The following TAFA1 variants were observed in gnomAD, a reference collection of about 807,000 sequenced individuals.
TAFA1 encodes the protein TAFA chemokine like family member 1, also known as chemokine-like protein TAFA-1.
TAFA1 carries 4 observed loss-of-function variants against 18.5 expected under a neutral mutation model. The ratio of observed to expected loss-of-function variants is 0.22; its 90% CI spans 0.11 to 0.49. TAFA1 has a LOEUF of 0.49. Among genes scored for constraint, TAFA1 ranks in the 20% least tolerant of loss-of-function variants. The pLI is 0.98. For synonymous variants in TAFA1, 56 were observed against 55.2 expected, an observed-to-expected ratio of 1.01 and a Z score of -0.06; for missense variants, 147 against 169.0, an observed-to-expected ratio of 0.87 and a Z score of 0.72.
chr3:68,423,403 G>A (rs143941997), intron 3 of TAFA1, among the ~76,000 whole-genome samples: 1 of 152,064 alleles, frequency 6.6e-6, no homozygotes, highest in South Asian at 2.1e-4. Context: ...GGTCAGCCTG[G>A]GCTGTCTTCA....
At chr3:68,060,065 G>C (rs567232157) in intron 2 of TAFA1, among the ~76,000 whole-genome samples, 1 of 151,066 alleles carries the variant, frequency 6.6e-6, no homozygotes, top group South Asian at 2.1e-4. Flanking sequence ...AAGGCTTACT[G>C]AAGGAAAAAA....
chr3:68,355,473 T>C (rs1387275320), intron 2 of TAFA1, among the ~76,000 whole-genome samples: 1 of 151,944 alleles, frequency 6.6e-6, no homozygotes, highest in Non-Finnish European at 1.5e-5. Context: ...GATAGATAAA[T>C]GCACTAATAT....
At chr3:68,160,440 A>G (rs758298716) in intron 2 of TAFA1, among the ~76,000 whole-genome samples, 1 of 152,230 alleles carries the variant, frequency 6.6e-6, no homozygotes, top group Admixed American at 6.5e-5. Context: ...CAACTCTTAT[A>G]GTAGAGCATA....
intron 2 of TAFA1, among the ~76,000 whole-genome samples, chr3:68,320,716 C>A (rs2068684993): frequency 6.6e-6 from 1 of 152,152 alleles, no homozygotes; most frequent in African/African-American, 2.4e-5. Flanking sequence ...TAGCCAGTTT[C>A]CTGATGAAAA....
intron 3 of TAFA1, among the ~76,000 whole-genome samples, chr3:68,437,880 T>C (rs142245971): frequency 1.3e-5 from 2 of 152,250 alleles, no homozygotes; most frequent in East Asian, 1.9e-4. Flanking sequence ...TCTTAACTTG[T>C]TCTAGCACCA....
intron 2 of TAFA1, among the ~76,000 whole-genome samples, chr3:68,282,347 T>C (rs138385859): frequency 4.7e-4 from 72 of 152,312 alleles, no homozygotes; most frequent in African/African-American, 1.7e-3. Flanking sequence ...TCAGGCACTG[T>C]TCTGAGTACC....
chr3:68,105,114 T>G (rs2065189460), intron 2 of TAFA1, among the ~76,000 whole-genome samples: 1 of 152,038 alleles, frequency 6.6e-6, no homozygotes, highest in Admixed American at 6.6e-5. Context: ...AGATCTCATG[T>G]GAATCTTCAT....
chr3:68,540,836 T>C (rs560234836), intron 4 of TAFA1, among the ~76,000 whole-genome samples: 1 of 152,136 alleles, frequency 6.6e-6, no homozygotes, highest in Non-Finnish European at 1.5e-5. Flanking sequence ...TTGAGACCAA[T>C]GTAACTTTCT....
chr3:68,271,768 C>G (rs557517001), intron 2 of TAFA1, among the ~76,000 whole-genome samples: 2 of 152,070 alleles, frequency 1.3e-5, no homozygotes, highest in Admixed American at 1.3e-4. Context: ...CATCTCCCCC[C>G]TTCCATATTA....
Position 68,522,215 on chromosome 3 carries a change from G to A in TAFA1, c.260-16541G>A, listed in dbSNP as rs535674297. ...TTTTAGCTGTGGATTGAATATGATA[G>A]GCTGATTTTGTGTAATGTCTTCCAG... On this transcript the variant is annotated intron_variant, in intron 3 of 4. Coordinates refer to ENST00000478136, the MANE Select transcript of TAFA1 (RefSeq NM_213609.4). Among the ~76,000 whole-genome samples, 16 of 152,128 alleles carry A rather than the reference G, an allele frequency of 1.1e-4. No homozygotes were observed. The South Asian group carries it at 3.3e-3, about 32-fold the overall frequency.
At chr3:68,091,728 G>A (rs577496751) in intron 2 of TAFA1, among the ~76,000 whole-genome samples, 1 of 152,256 alleles carries the variant, frequency 6.6e-6, no homozygotes, top group East Asian at 1.9e-4. Flanking sequence ...CACACATGCA[G>A]TGGGGCCATG....
At chr3:68,234,726 G>A (rs1033836218) in intron 2 of TAFA1, among the ~76,000 whole-genome samples, 2 of 151,894 alleles carry the variant, frequency 1.3e-5, no homozygotes, top group African/African-American at 2.4e-5. Flanking sequence ...TTTTATTCTC[G>A]GCCTTGAGAA....
At chr3:68,406,355 G>T (rs1473105203) in intron 2 of TAFA1, among the ~76,000 whole-genome samples, 2 of 152,010 alleles carry the variant, frequency 1.3e-5, no homozygotes, top group African/African-American at 4.8e-5. Flanking sequence ...TTAAGAATAG[G>T]GTCAAGGGAG....
chr3:68,269,816 G>A (rs546543578), intron 2 of TAFA1, among the ~76,000 whole-genome samples: 13 of 152,252 alleles, frequency 8.5e-5, no homozygotes, highest in African/African-American at 3.1e-4. Context: ...CAGTTTTAAT[G>A]CACAGCAACC....
At chr3:68,383,487 T>G (rs1426042993) in intron 2 of TAFA1, among the ~76,000 whole-genome samples, 1 of 152,200 alleles carries the variant, frequency 6.6e-6, no homozygotes, top group Non-Finnish European at 1.5e-5. Flanking sequence ...TCACATTTAT[T>G]TTTTTGTGTC....
At chr3:68,148,175 A>G (rs930511331) in intron 2 of TAFA1, among the ~76,000 whole-genome samples, 5 of 152,126 alleles carry the variant, frequency 3.3e-5, no homozygotes, top group Non-Finnish European at 7.4e-5. Flanking sequence ...CTCATAGATT[A>G]CTTGTTGTTT....
chr3:68,355,915 C>T (rs1164970884), intron 2 of TAFA1, among the ~76,000 whole-genome samples: 1 of 151,908 alleles, frequency 6.6e-6, no homozygotes, highest in Non-Finnish European at 1.5e-5. Flanking sequence ...CTACATATGA[C>T]TATTTAAATT....
chr3:68,417,401 C>T lies in TAFA1; in HGVS notation c.240C>T (p.Asn80=), dbSNP rs1233899652. 1.2e-6 allele frequency: 2 copies of T among 1,613,386 alleles called. No individual in the cohort carries two copies. Among genetic ancestry groups the T allele is most frequent in the Admixed American group, 3.3e-5 (2 of 59,966 alleles). Residue 80 remains asparagine, a synonymous_variant, in exon 3 of 5, where the codon AAC becomes AAT. Coordinates refer to ENST00000478136, the MANE Select transcript of TAFA1 (RefSeq NM_213609.4). ...LPGKVAGTTR[N]RPSCVDASIV... is the part of the protein sequence containing the mutation. ...GAAAAGTGGCTGGAACAACAAGAAA[C>T]CGGCCTTCTTGCGTCGATGGTAGGT...
chr3:68,061,501 T>G (rs942482036), intron 2 of TAFA1, among the ~76,000 whole-genome samples: 22 of 152,088 alleles, frequency 1.4e-4, no homozygotes, highest in African/African-American at 5.3e-4. Context: ...AAGGTCTGAG[T>G]AGGAATGGCA....
Sources: gnomAD v4.1 joint callset for allele counts (sites outside exome capture counted in the v4.1 genomes callset) on GRCh38, gnomAD v4.1.1 for gene constraint, MANE v1.5 for transcripts, NCBI Gene and HGNC (gene_info 2026-07-23, HGNC 2026-07-21) for gene names.